SUMF1: variants seen among roughly 807,000 people sequenced by gnomAD.
The protein encoded by SUMF1 is sulfatase modifying factor 1, also known as formylglycine-generating enzyme.
SUMF1 carries 48 observed loss-of-function variants against 47.6 expected under a neutral mutation model. The observed-to-expected ratio is 1.01, with a 90% CI of 0.80 to 1.28. The LOEUF is 1.28. Ranked by LOEUF, SUMF1 falls within the 50% of genes most tolerant of loss-of-function variation. The pLI is 0.00. For missense variants in SUMF1, 571 were observed against 485.4 expected (o/e 1.18, Z -1.66); for synonymous variants, 230 against 192.1 (o/e 1.20, Z -1.63).
chr3:4,214,412 G>A (rs1345292596), intron 8 of SUMF1, among the ~76,000 whole-genome samples: 1 of 152,150 alleles, frequency 6.6e-6, no homozygotes, highest in Non-Finnish European at 1.5e-5. Context: ...AAAGCACTGT[G>A]TAAGGGAAAT....
chr3:4,316,952 C>T (rs967729045), intron 8 of SUMF1: 22 of 1,549,256 alleles, frequency 1.4e-5, no homozygotes, highest in Admixed American at 5.9e-5. Context: ...TTCTTCTCCA[C>T]GACAATGCCC....
chr3:4,369,448 G>A (rs1309546489), intron 8 of SUMF1, among the ~76,000 whole-genome samples: 5 of 152,174 alleles, frequency 3.3e-5, no homozygotes, highest in African/African-American at 1.2e-4. Context: ...TGAAACAACA[G>A]TGCTTTGGTA....
intron 4 of SUMF1, among the ~76,000 whole-genome samples, chr3:4,419,557 C>A (rs1701823102): frequency 6.6e-6 from 1 of 152,116 alleles, no homozygotes; most frequent in Non-Finnish European, 1.5e-5. Flanking sequence ...TGGAGACTTG[C>A]TGACCGACTT....
intron 8 of SUMF1, among the ~76,000 whole-genome samples, chr3:4,252,353 C>G (rs1398296139): frequency 1.1e-5 from 1 of 91,446 alleles, no homozygotes; most frequent in Non-Finnish European, 2.1e-5. Context: ...CACACATGCG[C>G]ACACACACAC....
chr3:4,261,713 T>A (rs1255483003), intron 8 of SUMF1, among the ~76,000 whole-genome samples: 1 of 152,192 alleles, frequency 6.6e-6, no homozygotes, highest in East Asian at 1.9e-4. Context: ...CAAGCCTGCT[T>A]GAAAAATCTA....
rs1014929125 is a variant in SUMF1 at position 4,347,954 on chromosome 3, T to C, written c.1014+28376A>G. ...CACAATTGCTACAAAGAGATTAAAA[T>C]ACCTAGGAATACAGCTAACAAGAGA... On this transcript the variant is annotated intron_variant and NMD_transcript_variant, in intron 8 of 12. Coordinates refer to the SUMF1 transcript ENST00000448413. Among the ~76,000 whole-genome samples the C allele has an allele frequency of 2.0e-5, 3 of 152,006 alleles. 1 individual carries two copies. Among genetic ancestry groups the C allele is most frequent in the Admixed American group, 2.0e-4 (3 of 15,258 alleles).
At chr3:4,407,881 C>A (rs962459768) in intron 7 of SUMF1, among the ~76,000 whole-genome samples, 2 of 152,120 alleles carry the variant, frequency 1.3e-5, no homozygotes, top group African/African-American at 4.8e-5. Flanking sequence ...TATGGTAAAA[C>A]CCCTAGACTT....
chr3:4,299,844 A>T (rs1355380867), intron 8 of SUMF1, among the ~76,000 whole-genome samples: 3 of 152,234 alleles, frequency 2.0e-5, no homozygotes, highest in East Asian at 1.9e-4. Flanking sequence ...TATCTGGTAC[A>T]TAATAAGTCA....
intron 3 of SUMF1, among the ~76,000 whole-genome samples, chr3:4,433,528 T>C (rs711649): frequency 0.25 from 38,282 of 152,152 alleles, 5,494 homozygotes; most frequent in Non-Finnish European, 0.32. Context: ...TTATCTCATC[T>C]AGTCAGCCAG....
intron 7 of SUMF1, among the ~76,000 whole-genome samples, chr3:4,388,582 C>T (rs1306845834): frequency 6.6e-6 from 1 of 151,904 alleles, no homozygotes; most frequent in Non-Finnish European, 1.5e-5. Flanking sequence ...ATGTCAAAGA[C>T]TTAAGTCTGT....
intron 8 of SUMF1, among the ~76,000 whole-genome samples, chr3:4,302,864 C>T (rs565101124): frequency 2.6e-5 from 4 of 152,194 alleles, no homozygotes; most frequent in South Asian, 2.1e-4. Context: ...CAAAGGGGCA[C>T]GGATACCTCC....
chr3:4,139,518 T>C (rs955733989), intron 8 of SUMF1, among the ~76,000 whole-genome samples: 9 of 151,646 alleles, frequency 5.9e-5, no homozygotes, highest in Admixed American at 1.3e-4. Context: ...AATAAACTTA[T>C]ATACATGCAT....
At chr3:4,303,561 G>A in intron 8 of SUMF1, 3 of 1,338,538 alleles carry the variant, frequency 2.2e-6, no homozygotes, top group Non-Finnish European at 2.9e-6. Flanking sequence ...GGAGGCGGGC[G>A]CGCGGCTCCC....
At chr3:4,119,424 C>A (rs1175195385) in intron 8 of SUMF1, among the ~76,000 whole-genome samples, 1 of 152,088 alleles carries the variant, frequency 6.6e-6, no homozygotes, top group Non-Finnish European at 1.5e-5. Flanking sequence ...CCTTAATATA[C>A]ACAGAACCTG....
chr3:4,117,243 A>G (rs1416807351), intron 8 of SUMF1, among the ~76,000 whole-genome samples: 2 of 151,918 alleles, frequency 1.3e-5, no homozygotes, highest in African/African-American at 2.4e-5. Context: ...TTCTTACTTT[A>G]TAAGTAAAGC....
At position 4,320,316 on chromosome 3, in the gene SUMF1, G is replaced by GC. The variant is rs368899087; in HGVS notation, c.1014+56013dup. On this transcript the variant is annotated intron_variant and NMD_transcript_variant, in intron 8 of 12. Coordinates refer to the SUMF1 transcript ENST00000448413. ...TGTAAGACTAAAGGCAAAAGGAACT[G>GC]CAAGTAAGCAGTTCCTAGTTGATAC... Among the ~76,000 whole-genome samples the GC allele has an allele frequency of 3.9e-3, 587 of 152,290 alleles. 4 individuals carry two copies. The highest frequency in any genetic ancestry group is 0.013 in the African/African-American group (554 of 41,580).
At chr3:4,303,867 A>C (rs1281628969) in intron 8 of SUMF1, 1 of 1,301,446 alleles carries the variant, frequency 7.7e-7, no homozygotes, top group African/African-American at 1.5e-5. Context: ...TGTCTCTCAC[A>C]GGTAGGATAA....
intron 8 of SUMF1, among the ~76,000 whole-genome samples, chr3:4,307,537 A>C (rs1316347676): frequency 1.3e-5 from 2 of 152,250 alleles, no homozygotes; most frequent in Non-Finnish European, 2.9e-5. Context: ...TGTTGCAGAC[A>C]GGAATAGCCA....
At chr3:4,448,550 T>C (rs1702862956) in intron 3 of SUMF1, among the ~76,000 whole-genome samples, 1 of 152,148 alleles carries the variant, frequency 6.6e-6, no homozygotes, top group Admixed American at 6.5e-5. Context: ...TTACCCTCAC[T>C]CCTTCCCTTG....
Sources: allele counts gnomAD v4.1 joint callset (sites outside exome capture counted in the v4.1 genomes callset), GRCh38; gene constraint gnomAD v4.1.1; transcripts MANE v1.5; gene names NCBI Gene and HGNC (gene_info 2026-07-23, HGNC 2026-07-21).